Variants in ZFYVE26 observed in about 807,000 individuals in gnomAD.
ZFYVE26 encodes the protein zinc finger FYVE-type containing 26.
A neutral mutation model predicts 276.5 loss-of-function variants in ZFYVE26; 181 were observed. The ratio of observed to expected loss-of-function variants is 0.65; its 90% CI spans 0.58 to 0.74. The LOEUF (loss-of-function observed/expected upper bound fraction) is 0.74. Ranked by LOEUF, ZFYVE26 falls within the 30% of genes least tolerant of loss-of-function variation. The probability of loss-of-function intolerance (pLI) is 0.00; values close to 1 mark genes in which losing one functional copy is unlikely to be tolerated. For missense variants in ZFYVE26, 2,821 were observed against 3,097.9 expected (o/e 0.91, Z 2.12); for synonymous variants, 1,129 against 1,203.1 (o/e 0.94, Z 1.27).
intron 27 of ZFYVE26, among the ~76,000 whole-genome samples, chr14:67,773,551 G>GCACACACACACACACA (rs200418943): frequency 2.6e-4 from 33 of 125,884 alleles, no homozygotes; most frequent in South Asian, 1.9e-3. Flanking sequence ...AAAAAAAAAG[G>GCACACACACACACACA]CGCACACACA....
At chr14:67,750,867 A>T in intron 41 of ZFYVE26, 185 bp downstream of exon 41, 2 of 736,078 alleles carry the variant, frequency 2.7e-6, no homozygotes, top group South Asian at 3.1e-5. Context: ...GTCCATGTTC[A>T]CCTGCTCCTC....
intron 22 of ZFYVE26, 45 bp from the exon 23 acceptor site, chr14:67,780,390 C>A (rs1437883598): frequency 6.5e-7 from 1 of 1,540,944 alleles, no homozygotes; most frequent in East Asian, 2.3e-5. Context: ...TGCAGCTTCT[C>A]CCTCCATGAA....
chr14:67,794,328 GTAGT>G, intron 12 of ZFYVE26, 89 bp from the exon 13 acceptor site: 1 of 1,230,438 alleles, frequency 8.1e-7, no homozygotes, highest in Non-Finnish European at 1.2e-6. Context: ...CAAGATCTGT[GTAGT>G]TAGAGACAGA....
At chr14:67,812,156 C>G (rs1374993167) in intron 3 of ZFYVE26, among the ~76,000 whole-genome samples, 1 of 151,996 alleles carries the variant, frequency 6.6e-6, no homozygotes, top group Non-Finnish European at 1.5e-5. Context: ...ACTCATTTGC[C>G]AAATACTTTT....
At chr14:67,797,468 A>T in intron 12 of ZFYVE26, 1 of 639,892 alleles carries the variant, frequency 1.6e-6, no homozygotes, top group South Asian at 1.8e-5. Context: ...TATATATATA[A>T]AAGGATATAC....
rs60184489 is a variant in ZFYVE26 at position 67,805,475 on chromosome 14, G to C, written c.1161C>G (p.Leu387=). 4.5e-5 allele frequency: 72 copies of C among 1,614,216 alleles called. 1 individual carries two copies. The East Asian group carries it at 1.5e-3, about 33-fold the overall frequency. Residue 387 remains leucine (L), a synonymous_variant, in exon 7 of 42, where the codon CTC becomes CTG. Coordinates refer to ENST00000347230, the MANE Select transcript of ZFYVE26 (RefSeq NM_015346.4). ...CQSLESAKRL[L]QTLHRTQGPG... ...TTACCTGGGTCCTGTGCAGGGTCTG[G>C]AGCAGCCTCTTGGCTGACTCTAGGC...
chr14:67,812,809 TA>T (rs2040330076), intron 3 of ZFYVE26, among the ~76,000 whole-genome samples: 1 of 152,234 alleles, frequency 6.6e-6, no homozygotes, highest in Admixed American at 6.5e-5. Context: ...AGAGATCCCT[TA>T]ATCAGTAACA....
chr14:67,782,075 T>A (rs2039515109), intron 21 of ZFYVE26, among the ~76,000 whole-genome samples: 1 of 152,230 alleles, frequency 6.6e-6, no homozygotes, highest in Admixed American at 6.5e-5. Flanking sequence ...TCAGTGGATT[T>A]CTCCACCTTT....
rs1462249393 is a variant in ZFYVE26, at chr14:67,747,282, A to G, written c.*1154T>C. On this transcript the variant is annotated 3_prime_UTR_variant, in exon 42 of 42. Transcript: ENST00000347230. ...TCCACCAACCAGATGTGACCTATTC[A>G]TTATTCCCTCATTCTGACTCTGTCC... 1 of 152,236 alleles carries G rather than the reference A, an allele frequency of 6.6e-6. No individual in the cohort carries two copies. Among genetic ancestry groups the G allele is most frequent in the Non-Finnish European group, 1.5e-5 (1 of 68,050 alleles). 9.4% of individuals were successfully genotyped at this position (152,236 alleles called of 1,614,324 possible). A position where few individuals can be genotyped will look rare whatever the true frequency, so the allele number is the denominator to read the frequency against.
At position 67,762,213 on chromosome 14, in the gene ZFYVE26, A is replaced by G; in HGVS notation, c.6359T>C (p.Phe2120Ser). 2 of 1,614,128 alleles carry G rather than the reference A, an allele frequency of 1.2e-6. No homozygotes were observed. The highest frequency in any genetic ancestry group is 1.7e-6 in the Non-Finnish European group (2 of 1,180,014). ...CTGCCTTGCTCTTACCAAGGATACA[A>G]AGGGCCTCACTGTGGACTCTAGGTA... ...VEYLESTVRP[F>S]VSLQDDDYFA... is the part of the protein sequence containing the mutation. The change falls in exon 34 of 42, where the codon TTT (phenylalanine) becomes TCT (serine). Residue 2120 changes from phenylalanine (F) to serine (S), a missense_variant. Coordinates refer to ENST00000347230, the MANE Select transcript of ZFYVE26 (RefSeq NM_015346.4).
At position 67,752,411 on chromosome 14, in the gene ZFYVE26, G is replaced by A; in HGVS notation, c.7304C>T (p.Ala2435Val). Residue 2435 changes from alanine to valine, a missense_variant, in exon 40 of 42, where the codon GCA becomes GTA. Physicochemically the swap from Ala to Val is moderately conservative, Grantham distance 64. Transcript: ENST00000347230. ...LLKCVSESGM[A>V]AKSDGDTILL... is the part of the protein sequence containing the mutation. ...GATGGTGTCCCCGTCACTTTTGGCT[G>A]CCATGCCTGACTCACTGACACATTT... The A allele has an allele frequency of 6.2e-7, 1 of 1,613,368 alleles. No individual in the cohort carries two copies. Among genetic ancestry groups the A allele is most frequent in the Non-Finnish European group, 8.5e-7 (1 of 1,179,720 alleles).
At chr14:67,797,834 G>A (rs773526096) in intron 11 of ZFYVE26, 79 bp from the exon 12 acceptor site, 3 of 1,592,320 alleles carry the variant, frequency 1.9e-6, no homozygotes, top group Non-Finnish European at 2.6e-6. Flanking sequence ...ACAGGTTGGG[G>A]AAGGTTTGCA....
chr14:67,763,497 T>C (rs941494015), intron 32 of ZFYVE26, among the ~76,000 whole-genome samples: 4 of 152,256 alleles, frequency 2.6e-5, no homozygotes, highest in Non-Finnish European at 5.9e-5. Context: ...AGTGTTACAA[T>C]TGCCTACAGT....
intron 41 of ZFYVE26, among the ~76,000 whole-genome samples, chr14:67,749,296 G>T (rs1368302309): frequency 6.6e-6 from 1 of 152,092 alleles, no homozygotes; most frequent in African/African-American, 2.4e-5. Flanking sequence ...ACACACACAC[G>T]ATTGGAAAAA....
intron 11 of ZFYVE26, 46 bp from the exon 12 acceptor site, chr14:67,797,801 T>C (rs1566892594): frequency 1.2e-6 from 2 of 1,609,834 alleles, no homozygotes; most frequent in African/African-American, 2.7e-5. Flanking sequence ...TGATCAACTT[T>C]GATTTGGCCC....
Position 67,805,274 on chromosome 14 carries a change from G to A in ZFYVE26, c.1214C>T (p.Ala405Val), listed in dbSNP as rs767366135. ...GPGCDELLRD[A>V]CDGLWAHLEV... is the part of the protein sequence containing the mutation. ...CAGGTGAGCCCACAACCCATCACAG[G>A]CATCCCTGAGGAGCTCATCACAGCC... Residue 405 changes from alanine (A) to valine (V), a missense_variant, in exon 8 of 42, where the codon GCC (alanine) becomes GTC (valine). Coordinates refer to ENST00000347230, the MANE Select transcript of ZFYVE26 (RefSeq NM_015346.4). 6.2e-7 allele frequency: 1 copy of A among 1,614,122 alleles called. No homozygotes were observed. Among genetic ancestry groups the A allele is most frequent in the Non-Finnish European group, 8.5e-7 (1 of 1,180,008 alleles).
At chr14:67,744,507 G>A (rs1181265097), downstream of ZFYVE26, among the ~76,000 whole-genome samples, 3 of 152,030 alleles carry the variant, frequency 2.0e-5, no homozygotes, top group African/African-American at 2.4e-5. Context: ...CTATCAACCC[G>A]TCAACTAGGT....
chr14:67,808,875 T>G (rs1233057030), intron 4 of ZFYVE26, among the ~76,000 whole-genome samples: 4 of 152,174 alleles, frequency 2.6e-5, no homozygotes, highest in African/African-American at 9.7e-5. Flanking sequence ...GTTATGAGAA[T>G]TAACTCTAAC....
chr14:67,773,534 CA>C (rs35244775), intron 27 of ZFYVE26, among the ~76,000 whole-genome samples: 45 of 117,886 alleles, frequency 3.8e-4, no homozygotes, highest in Non-Finnish European at 4.4e-4. Context: ...ATCCTGTCTC[CA>C]AAAAAAAAAA....
Sources: allele counts gnomAD v4.1 joint callset (sites outside exome capture counted in the v4.1 genomes callset), GRCh38; gene constraint gnomAD v4.1.1; transcripts MANE v1.5; gene names NCBI Gene and HGNC (gene_info 2026-07-23, HGNC 2026-07-21).